The following SUGP1 variants were observed in gnomAD, a reference collection of about 807,000 sequenced individuals.
SUGP1 encodes the protein SURP and G-patch domain containing 1.
In SUGP1, 34 loss-of-function variants were observed where a neutral mutation model predicts 76.5. The ratio of observed to expected loss-of-function variants is 0.44; its 90% confidence interval spans 0.34 to 0.59. The LOEUF (loss-of-function observed/expected upper bound fraction) is 0.59, where lower values mean the gene tolerates loss of function less well. SUGP1 is among the 20% of genes least tolerant of loss of function. SUGP1 has a pLI of 0.01. For synonymous variants in SUGP1, 326 were observed against 326.2 expected (o/e 1.00, Z 0.01); for missense variants, 752 against 851.7 (o/e 0.88, Z 1.46).
At chr19:19,305,641 G>A (rs1309276514) in intron 4 of SUGP1, 4 of 515,922 alleles carry the variant, frequency 7.8e-6, no homozygotes, top group South Asian at 2.8e-5. Flanking sequence ...AAGCCCACGC[G>A]CTGATGCCCA....
At chr19:19,317,322 T>C (rs531739669) in intron 1 of SUGP1, among the ~76,000 whole-genome samples, 6 of 151,750 alleles carry the variant, frequency 4.0e-5, no homozygotes, top group Non-Finnish European at 7.4e-5. Context: ...AAATGGGAGA[T>C]GATCTGGGCA....
Position 19,297,213 on chromosome 19 carries a change from G to C in SUGP1, c.1019C>G (p.Pro340Arg). Residue 340 changes from proline to arginine, a missense_variant, in exon 8 of 14, where the codon CCT becomes CGT. Around this residue, in one of 2 missense-constraint regions of SUGP1, gnomAD observed 620 missense variants for 617.3 expected, o/e 1.00. Coordinates refer to ENST00000247001, the MANE Select transcript of SUGP1 (RefSeq NM_172231.4). Reference sequence around the variant, plus strand: ...GGGTAAGGACCCTGACAGGGCCTCAGGAGGGGACTTGCGCTTCAGGCCGGG... The same window carrying C: ...GGGTAAGGACCCTGACAGGGCCTCACGAGGGGACTTGCGCTTCAGGCCGGG... ...PDPGLKRKSP[P>R]EALSGSLPPA... 6.2e-7 allele frequency: 1 copy of C among 1,602,524 alleles called. No homozygotes were observed. Among genetic ancestry groups the C allele is most frequent in the Non-Finnish European group, 8.5e-7 (1 of 1,171,162 alleles).
intron 8 of SUGP1, among the ~76,000 whole-genome samples, chr19:19,296,307 G>A (rs1402763936): frequency 1.3e-5 from 2 of 152,136 alleles, no homozygotes; most frequent in African/African-American, 2.4e-5. Flanking sequence ...TGTAATCACA[G>A]CACTTTGGGA....
intron 8 of SUGP1, among the ~76,000 whole-genome samples, chr19:19,293,938 AC>A (rs771588852): frequency 2.0e-5 from 3 of 152,210 alleles, no homozygotes; most frequent in Non-Finnish European, 2.9e-5. Context: ...TAATCCCAGC[AC>A]TTTGGGAGGC....
At chr19:19,293,781 C>A (rs1353841471) in intron 8 of SUGP1, among the ~76,000 whole-genome samples, 1 of 152,084 alleles carries the variant, frequency 6.6e-6, no homozygotes, top group African/African-American at 2.4e-5. Context: ...GAAGTCCTAG[C>A]CAGAGGAATT....
intron 5 of SUGP1, 126 bp from the exon 6 acceptor site, chr19:19,303,574 C>T (rs1300272876): frequency 1.3e-5 from 18 of 1,338,526 alleles, no homozygotes; most frequent in Admixed American, 3.5e-5. Flanking sequence ...AGTCTCCGTG[C>T]CACATGGGAG....
chr19:19,316,364 GCTGGTGA>G, intron 2 of SUGP1, 51 bp downstream of exon 2: 3 of 1,597,996 alleles, frequency 1.9e-6, no homozygotes, highest in Non-Finnish European at 2.6e-6. Flanking sequence ...CAAACCCTGT[GCTGGTGA>G]CCCTCAAAGA....
Position 19,297,057 on chromosome 19 carries a change from T to C in SUGP1, c.1175A>G (p.Asp392Gly). Residue 392 changes from aspartate to glycine, a missense_variant, in exon 8 of 14, where the codon GAT becomes GGT. Around this residue, in one of 2 missense-constraint regions of SUGP1, gnomAD observed 620 missense variants for 617.3 expected, o/e 1.00. Transcript: ENST00000247001. The stretch of plus-strand genomic sequence containing the variant: ...TTCAGCAGGTGGGAGCTCTACCTTA[T>C]CCTCTTCAGGCCCCCACCGGCTCTT... ...KRKSRWGPEE[D>G]KVELPPAELV... 1.2e-6 allele frequency: 2 copies of C among 1,612,690 alleles called. No individual in the cohort carries two copies. Among genetic ancestry groups the C allele is most frequent in the Non-Finnish European group, 1.7e-6 (2 of 1,179,806 alleles).
chr19:19,297,283 G>C lies in SUGP1; in HGVS notation c.949C>G (p.Arg317Gly). The change falls in exon 8 of 14, where the codon CGG becomes GGG. Residue 317 changes from arginine (R) to glycine (G), a missense_variant. Coordinates refer to ENST00000247001, the MANE Select transcript of SUGP1 (RefSeq NM_172231.4). The part of the protein sequence containing the change: ...KYYRQKLEEF[R>G]KAKASSTGSF... ...CCTGTGGAGCTGGCCTTGGCTTTCC[G>C]GAACTCCTCCAGCTTCTGTCGGTAG... is the stretch of plus-strand genomic sequence containing the variant. The C allele has an allele frequency of 6.4e-7, 1 of 1,553,582 alleles. No homozygotes were observed. Among genetic ancestry groups the C allele is most frequent in the Non-Finnish European group, 8.7e-7 (1 of 1,145,672 alleles).
intron 12 of SUGP1, 97 bp downstream of exon 12, chr19:19,277,637 G>A (rs17750998): frequency 0.065 from 96,338 of 1,473,280 alleles, 3,685 homozygotes; most frequent in Non-Finnish European, 0.071. Context: ...TTGCCACAAG[G>A]GAAAAGCGAT....
intron 8 of SUGP1, 48 bp from the exon 9 acceptor site, chr19:19,280,339 G>A (rs373243668): frequency 4.6e-6 from 7 of 1,537,592 alleles, no homozygotes; most frequent in African/African-American, 1.4e-5. Context: ...GGTGCACCCC[G>A]ATCTCGCTCC....
chr19:19,303,377 G>A lies in SUGP1; in HGVS notation c.734C>T (p.Ala245Val), dbSNP rs1248975414. Residue 245 changes from alanine (A) to valine (V), a missense_variant, in exon 6 of 14, where the codon GCA becomes GTA. Around this residue, in one of 2 missense-constraint regions of SUGP1, gnomAD observed 620 missense variants for 617.3 expected, o/e 1.00. Coordinates refer to ENST00000247001, the MANE Select transcript of SUGP1 (RefSeq NM_172231.4). ...CTGAGAGGCTGCCTGCGACTTCTGT[G>A]CTTCCTTTCTTATCTCAGCCACCTT... The part of the protein sequence containing the change: ...RKKVAEIRKE[A>V]QKSQAASQKV... The A allele has an allele frequency of 1.2e-6, 2 of 1,614,138 alleles. No homozygotes were observed. The highest frequency in any genetic ancestry group is 1.7e-5 in the Admixed American group (1 of 60,004).
chr19:19,295,863 G>C (rs2061221274), intron 8 of SUGP1, among the ~76,000 whole-genome samples: 1 of 152,056 alleles, frequency 6.6e-6, no homozygotes, highest in Admixed American at 6.6e-5. Flanking sequence ...GAGACCTCAT[G>C]TCAAAAACAT....
At chr19:19,303,621 G>A in intron 5 of SUGP1, 103 bp downstream of exon 5, 11 of 1,478,500 alleles carry the variant, frequency 7.4e-6, no homozygotes, top group Non-Finnish European at 1.0e-5. Flanking sequence ...GAAAACGCTT[G>A]GAACAGCATC....
chr19:19,317,913 C>A (rs1180619671), intron 1 of SUGP1, among the ~76,000 whole-genome samples: 2 of 149,568 alleles, frequency 1.3e-5, no homozygotes, highest in African/African-American at 4.9e-5. Flanking sequence ...CAGGTTCAAG[C>A]GATTCTCCTG....
At chr19:19,294,590 CAG>C (rs1342125924) in intron 8 of SUGP1, among the ~76,000 whole-genome samples, 2 of 150,012 alleles carry the variant, frequency 1.3e-5, no homozygotes, top group Non-Finnish European at 3.0e-5. Context: ...GTAGGAAACA[CAG>C]GGGTAAATTT....
intron 13 of SUGP1, 67 bp downstream of exon 13, chr19:19,276,880 G>A: frequency 6.3e-7 from 1 of 1,592,986 alleles, no homozygotes; most frequent in South Asian, 1.1e-5. Flanking sequence ...AAGGAAGGGA[G>A]CCTTCTGTTC....
chr19:19,298,463 A>G (rs746505814), intron 7 of SUGP1, among the ~76,000 whole-genome samples: 1 of 152,194 alleles, frequency 6.6e-6, no homozygotes, highest in Non-Finnish European at 1.5e-5. Context: ...GGGCCACTGC[A>G]CTCCAGCCTG....
At position 19,303,715 on chromosome 19, in the gene SUGP1, G is replaced by A; in HGVS notation, c.662+9C>T. On this transcript the variant is annotated intron_variant, in intron 5 of 13. Transcript: ENST00000247001. ...ACAGCACAGCCTTCCCTTCCCCGGA[G>A]ATACTCACGCAAATGCTGGGTTATC... 2 of 1,614,166 alleles carry A rather than the reference G, an allele frequency of 1.2e-6. No homozygotes were observed. The highest frequency in any genetic ancestry group is 1.7e-6 in the Non-Finnish European group (2 of 1,180,012).
Sources: gnomAD v4.1 joint callset for allele counts (sites outside exome capture counted in the v4.1 genomes callset) on GRCh38, gnomAD v4.1.1 for gene constraint, gnomAD v4.1.1 regional missense constraint, MANE v1.5 for transcripts, NCBI Gene and HGNC (gene_info 2026-07-23, HGNC 2026-07-21) for gene names.